The following BARD1 variants were observed in gnomAD, a reference collection of about 807,000 sequenced individuals.
BARD1 encodes BRCA1-associated RING domain protein 1.
In BARD1, 73 loss-of-function variants were observed where a neutral mutation model predicts 77.0. The ratio of observed to expected loss-of-function variants is 0.95; its 90% confidence interval spans 0.79 to 1.15. The LOEUF is 1.15. Ranked by LOEUF, BARD1 falls within the 50% of genes most tolerant of loss-of-function variation. The pLI is 0.00. For missense variants in BARD1, 993 were observed against 938.8 expected, an observed-to-expected ratio of 1.06 and a Z score of -0.75; for synonymous variants, 384 against 338.0, an observed-to-expected ratio of 1.14 and a Z score of -1.49.
At chr2:214,767,732 G>T in intron 5 of BARD1, 78 bp from the exon 6 acceptor site, 2 of 1,338,428 alleles carry the variant, frequency 1.5e-6, no homozygotes, top group Non-Finnish European at 2.1e-6. Context: ...TCACACTTTA[G>T]AAAAATAAAT....
intron 9 of BARD1, chr2:214,730,967 T>A (rs114762984): frequency 4.4e-6 from 2 of 453,726 alleles, no homozygotes; most frequent in South Asian, 1.6e-5. Context: ...TGTAAGTGAT[T>A]TGACATGAAG....
At chr2:214,770,688 T>C (rs1468327568) in intron 4 of BARD1, among the ~76,000 whole-genome samples, 4 of 152,150 alleles carry the variant, frequency 2.6e-5, no homozygotes, top group Non-Finnish European at 5.9e-5. Flanking sequence ...CTACTATAAA[T>C]GAGTAGACTT....
rs1318573992 is a variant in BARD1, at chr2:214,737,593, C to CT, written c.1904-7086dup. Among the ~76,000 whole-genome samples the CT allele has an allele frequency of 8.5e-5, 13 of 152,064 alleles. No individual in the cohort carries two copies. In the East Asian group the frequency reaches 2.5e-3, roughly 29 times the overall value. Reference sequence around the variant, plus strand: ...AATTCATATCAACTTCCTACTGAACCTTTTTTTAAGACAAATCAATTGAGT... The same window carrying CT: ...AATTCATATCAACTTCCTACTGAACCTTTTTTTTAAGACAAATCAATTGAGT... On this transcript the variant is annotated intron_variant, in intron 9 of 10. Transcript: ENST00000260947.
At chr2:214,764,036 T>C (rs723905) in intron 6 of BARD1, among the ~76,000 whole-genome samples, 66,766 of 152,028 alleles carry the variant, frequency 0.44, 15,656 homozygotes, top group East Asian at 0.63. Flanking sequence ...TGGATGCCAA[T>C]TGGGCAAAAG....
chr2:214,740,755 C>A (rs1692786087), intron 9 of BARD1, among the ~76,000 whole-genome samples: 1 of 151,938 alleles, frequency 6.6e-6, no homozygotes, highest in Non-Finnish European at 1.5e-5. Flanking sequence ...AATACTTTTT[C>A]TTTCATCTGT....
Position 214,809,317 on chromosome 2 carries a change from G to GA in BARD1, c.158+94dup, listed in dbSNP as rs1287729746. On this transcript the variant is annotated intron_variant, in intron 1 of 10. Transcript: ENST00000260947. ...CCGACCCGACTGCAGCGCGGGAACG[G>GA]AAGGAGGAAACGGAAGATTTGAAAA... is the stretch of plus-strand genomic sequence containing the variant. The GA allele has an allele frequency of 1.9e-6, 3 of 1,543,458 alleles. No homozygotes were observed. In the East Asian group the frequency reaches 7.2e-5, roughly 37 times the overall value.
intron 6 of BARD1, among the ~76,000 whole-genome samples, chr2:214,759,543 T>TA (rs1468185188): frequency 6.6e-6 from 1 of 151,926 alleles, no homozygotes; most frequent in Non-Finnish European, 1.5e-5. Flanking sequence ...GTACTTTTTT[T>TA]ATGCAAAAAA....
chr2:214,793,976 G>C (rs995388324), intron 2 of BARD1, among the ~76,000 whole-genome samples: 3 of 152,110 alleles, frequency 2.0e-5, no homozygotes, highest in African/African-American at 7.2e-5. Context: ...TGTTGGCCAG[G>C]CATGGTGATT....
In BARD1 at chr2:214,728,454, C is replaced by A; in HGVS notation, c.*222G>T. The A allele has an allele frequency of 3.6e-6, 2 of 555,896 alleles. No homozygotes were observed. Among genetic ancestry groups the A allele is most frequent in the Non-Finnish European group, 6.3e-6 (2 of 315,238 alleles). 34.4% of individuals were successfully genotyped at this position (555,896 alleles called of 1,614,324 possible). A position where few individuals can be genotyped will look rare whatever the true frequency, so the allele number is the denominator to read the frequency against. On this transcript the variant is annotated 3_prime_UTR_variant, in exon 11 of 11. Coordinates refer to ENST00000260947, the MANE Select transcript of BARD1 (RefSeq NM_000465.4). ...AAAGACATGATAAATCAAAAACATG[C>A]CAATTTTAAAAAGAAAAACCTTTAA...
intron 9 of BARD1, among the ~76,000 whole-genome samples, chr2:214,740,253 A>G (rs1692759007): frequency 6.6e-6 from 1 of 152,094 alleles, no homozygotes; most frequent in Non-Finnish European, 1.5e-5. Context: ...TTAAACAGGT[A>G]TAAAAGACCT....
intron 9 of BARD1, among the ~76,000 whole-genome samples, chr2:214,740,143 G>A (rs1385149823): frequency 6.6e-6 from 1 of 151,932 alleles, no homozygotes; most frequent in Admixed American, 6.6e-5. Context: ...CATGCTCAGT[G>A]TTCTTTTGAA....
rs1692086190 is a variant in BARD1, at chr2:214,726,408, T to C, written c.*2268A>G. Reference sequence around the variant, plus strand: ...ACACAAAGCAATCAGTGTGTAATTGTTTCTTAATGACTATTCCAAACTATC... The same window carrying C: ...ACACAAAGCAATCAGTGTGTAATTGCTTCTTAATGACTATTCCAAACTATC... On this transcript the variant is annotated 3_prime_UTR_variant, in exon 11 of 11. Transcript: ENST00000260947. 1 of 208,892 alleles carries C rather than the reference T, an allele frequency of 4.8e-6. No individual in the cohort carries two copies. The highest frequency in any genetic ancestry group is 9.7e-6 in the Non-Finnish European group (1 of 102,702). 12.9% of individuals were successfully genotyped at this position (208,892 alleles called of 1,614,324 possible).
In BARD1 at chr2:214,781,126, A is replaced by G. The variant is rs570022823; in HGVS notation, c.748T>C (p.Ser250Pro). Reference protein sequence around the residue: ...VSFCSQPSVISSPQINGEIDL... With the variant: ...VSFCSQPSVIPSPQINGEIDL... ...ATTTCACCATTTATCTGAGGACTGG[A>G]GATAACAGATGGTTGGCTACAGAAG... is the stretch of plus-strand genomic sequence containing the variant. Residue 250 changes from serine (S) to proline (P), a missense_variant, in exon 4 of 11, where the codon TCC becomes CCC. Coordinates refer to ENST00000260947, the MANE Select transcript of BARD1 (RefSeq NM_000465.4). The G allele has an allele frequency of 3.4e-5, 54 of 1,576,660 alleles. No homozygotes were observed. In the South Asian group the frequency reaches 5.9e-4, roughly 17 times the overall value.
At chr2:214,748,890 G>A (rs1303166917) in intron 7 of BARD1, among the ~76,000 whole-genome samples, 1 of 151,812 alleles carries the variant, frequency 6.6e-6, no homozygotes, top group Admixed American at 6.6e-5. Flanking sequence ...TGAACACTCA[G>A]TATGTGCCAA....
chr2:214,785,452 A>G (rs1468994839), intron 3 of BARD1, among the ~76,000 whole-genome samples: 1 of 152,088 alleles, frequency 6.6e-6, no homozygotes, highest in Non-Finnish European at 1.5e-5. Flanking sequence ...CACAGTGGTG[A>G]GCACATGAAT....
chr2:214,750,399 C>G (rs565246715), intron 7 of BARD1, among the ~76,000 whole-genome samples: 1 of 152,264 alleles, frequency 6.6e-6, no homozygotes, highest in East Asian at 1.9e-4. Flanking sequence ...CCAACCTAAC[C>G]CTTTACCCTG....
intron 4 of BARD1, among the ~76,000 whole-genome samples, chr2:214,770,455 A>G (rs1694430410): frequency 6.6e-6 from 1 of 152,250 alleles, no homozygotes; most frequent in South Asian, 2.1e-4. Context: ...GAAATACAAT[A>G]ACTTTACTTT....
chr2:214,762,407 G>A (rs1694006135), intron 6 of BARD1, among the ~76,000 whole-genome samples: 1 of 152,028 alleles, frequency 6.6e-6, no homozygotes. Flanking sequence ...CAATTAATAG[G>A]TATATGCATG....
chr2:214,758,702 T>C lies in BARD1; in HGVS notation c.1569-6147A>G, dbSNP rs918907506. Reference sequence around the variant, plus strand: ...GAAGATGAGGAAAAGGAAGTACTTATGAAAGGGCTAAACTGTGGTGTTCAA... The same window carrying C: ...GAAGATGAGGAAAAGGAAGTACTTACGAAAGGGCTAAACTGTGGTGTTCAA... On this transcript the variant is annotated intron_variant, in intron 6 of 10. Transcript: ENST00000260947. 5.9e-5 allele frequency among the ~76,000 whole-genome samples: 9 copies of C among 152,200 alleles called. No individual in the cohort carries two copies. The highest frequency in any genetic ancestry group is 1.7e-4 in the African/African-American group (7 of 41,446).
Sources: allele counts gnomAD v4.1 joint callset (sites outside exome capture counted in the v4.1 genomes callset), GRCh38; gene constraint gnomAD v4.1.1; transcripts MANE v1.5; gene names NCBI Gene and HGNC (gene_info 2026-07-23, HGNC 2026-07-21).